The following KCNK9 variants were observed in gnomAD, a reference collection of about 807,000 sequenced individuals.
KCNK9 encodes potassium channel subfamily K member 9.
A neutral mutation model predicts 10.8 loss-of-function variants in KCNK9; 1 was observed. That is an observed-to-expected ratio of 0.09 (90% CI 0.03 to 0.44). KCNK9 has a LOEUF of 0.44. Ranked by LOEUF, KCNK9 falls within the 20% of genes least tolerant of loss-of-function variation. The probability of loss-of-function intolerance (pLI) is 0.97; values close to 1 mark genes in which losing one functional copy is unlikely to be tolerated. For missense variants in KCNK9, 303 were observed against 515.0 expected, an observed-to-expected ratio of 0.59 and a Z score of 3.98; for synonymous variants, 231 against 222.7, an observed-to-expected ratio of 1.04 and a Z score of -0.33.
rs1471072625 is a variant in KCNK9, at chr8:139,618,271, C to A, written c.1112G>T (p.Arg371Leu). 6.2e-7 allele frequency: 1 copy of A among 1,614,184 alleles called. No homozygotes were observed. The change falls in exon 2 of 2, where the codon CGG becomes CTG. Residue 371 changes from arginine to leucine, a missense_variant. Arg to Leu is a moderately radical substitution (Grantham distance 102, BLOSUM62 -2). Transcript: ENST00000520439. This position sits in a 1 kb window ranked among gnomAD's most constrained non-coding sequence, Gnocchi z 7.9. Reference sequence around the variant, plus strand: ...CCCTCCCCACACCTAAACGGACTTCCGGCGTTTCATCAGCCTCTGGTGGTC... The same window carrying A: ...CCCTCCCCACACCTAAACGGACTTCAGGCGTTTCATCAGCCTCTGGTGGTC... ...FTDHQRLMKR[R>L]KSV
At chr8:139,626,124 C>A (rs374095031) in intron 1 of KCNK9, among the ~76,000 whole-genome samples, 30 of 152,294 alleles carry the variant, frequency 2.0e-4, no homozygotes, top group African/African-American at 7.0e-4. Flanking sequence ...TGGAAAAAGG[C>A]AAATAGGGCA....
At chr8:139,627,803 T>C (rs753403651) in intron 1 of KCNK9, among the ~76,000 whole-genome samples, 1 of 152,212 alleles carries the variant, frequency 6.6e-6, no homozygotes, top group Non-Finnish European at 1.5e-5. Flanking sequence ...TGGTTTCTCT[T>C]AGAAGCTACC....
chr8:139,680,136 C>T (rs917117041), intron 1 of KCNK9, among the ~76,000 whole-genome samples: 13 of 152,186 alleles, frequency 8.5e-5, no homozygotes, highest in South Asian at 2.1e-4. Context: ...GGGCCGGCAG[C>T]GTCCCTTCCA....
chr8:139,695,111 C>T (rs1393001116), intron 1 of KCNK9, among the ~76,000 whole-genome samples: 1 of 152,204 alleles, frequency 6.6e-6, no homozygotes, highest in African/African-American at 2.4e-5. Flanking sequence ...ACTTTGTGCT[C>T]AGGTATCAAT....
chr8:139,682,960 C>A (rs142997123), intron 1 of KCNK9, among the ~76,000 whole-genome samples: 54 of 152,072 alleles, frequency 3.6e-4, no homozygotes, highest in Non-Finnish European at 5.9e-4. Flanking sequence ...AGGAAAAAAA[C>A]CAGAGCATTT....
At chr8:139,695,196 A>G (rs867131149) in intron 1 of KCNK9, among the ~76,000 whole-genome samples, 6 of 152,230 alleles carry the variant, frequency 3.9e-5, no homozygotes, top group Non-Finnish European at 8.8e-5. Context: ...ATGGAAGTAC[A>G]TGTGCTCAAA....
chr8:139,687,486 A>G (rs1436481025), intron 1 of KCNK9, among the ~76,000 whole-genome samples: 1 of 68,148 alleles, frequency 1.5e-5, no homozygotes, highest in Admixed American at 1.6e-4. Flanking sequence ...ATGTATACAT[A>G]TATACACATA....
At chr8:139,639,417 G>A (rs1273442865) in intron 1 of KCNK9, among the ~76,000 whole-genome samples, 2 of 152,210 alleles carry the variant, frequency 1.3e-5, no homozygotes, top group African/African-American at 4.8e-5. Context: ...TGTCTGGCGG[G>A]GAGTAGTGAC....
intron 1 of KCNK9, among the ~76,000 whole-genome samples, chr8:139,641,304 G>A (rs958974661): frequency 6.6e-6 from 1 of 152,174 alleles, no homozygotes; most frequent in Non-Finnish European, 1.5e-5. Flanking sequence ...GCTGCTGTCT[G>A]TGGGGCTCCC....
At chr8:139,663,689 G>T (rs1398707874) in intron 1 of KCNK9, among the ~76,000 whole-genome samples, 1 of 149,350 alleles carries the variant, frequency 6.7e-6, no homozygotes. Flanking sequence ...GTGTTAGAGA[G>T]AGAGATAGAG....
downstream of KCNK9, among the ~76,000 whole-genome samples, chr8:139,613,278 C>T (rs1203787900): frequency 1.3e-5 from 2 of 152,138 alleles, no homozygotes; most frequent in Non-Finnish European, 2.9e-5. Context: ...GCTCATTGGA[C>T]CATTCTTTGT....
intron 1 of KCNK9, among the ~76,000 whole-genome samples, chr8:139,673,109 C>T (rs1244017083): frequency 1.3e-5 from 2 of 152,148 alleles, no homozygotes; most frequent in Admixed American, 1.3e-4. Flanking sequence ...TAATTGCCCC[C>T]TTAGTTGACA....
chr8:139,604,483 T>A (rs1817442720), intron 2 of KCNK9, among the ~76,000 whole-genome samples: 1 of 152,016 alleles, frequency 6.6e-6, no homozygotes, highest in Non-Finnish European at 1.5e-5. Context: ...CGCGGGCGCA[T>A]CTGCACGCCA....
intron 1 of KCNK9, among the ~76,000 whole-genome samples, chr8:139,638,734 G>A (rs2129641344): frequency 6.6e-6 from 1 of 152,334 alleles, no homozygotes; most frequent in South Asian, 2.1e-4. Context: ...CCAGCTGGGA[G>A]AGCAGTTTTC....
chr8:139,617,742 C>A lies in KCNK9; in HGVS notation c.*516G>T, dbSNP rs186881225. Among the ~76,000 whole-genome samples the A allele has an allele frequency of 5.9e-5, 9 of 152,230 alleles. No individual in the cohort carries two copies. Among genetic ancestry groups the A allele is most frequent in the Non-Finnish European group, 7.4e-5 (5 of 68,016 alleles). On this transcript the variant is annotated 3_prime_UTR_variant, in exon 2 of 2. Transcript: ENST00000520439. Reference sequence around the variant, plus strand: ...AGAAAACGGAATACCTAATACTTCCCGTTTTGTCACGACACACGTGCACAC... The same window carrying A: ...AGAAAACGGAATACCTAATACTTCCAGTTTTGTCACGACACACGTGCACAC...
At chr8:139,701,874 T>G (rs1361184502) in intron 1 of KCNK9, among the ~76,000 whole-genome samples, 1 of 152,214 alleles carries the variant, frequency 6.6e-6, no homozygotes, top group Non-Finnish European at 1.5e-5. Context: ...AATAGCGCCC[T>G]TGGCAGTGGG....
At chr8:139,697,258 GTGGA>G in intron 1 of KCNK9, among the ~76,000 whole-genome samples, 1 of 150,494 alleles carries the variant, frequency 6.6e-6, no homozygotes, top group East Asian at 2.0e-4. Context: ...TGGGTGAATG[GTGGA>G]TGGATGGATA....
At chr8:139,602,941 C>T (rs766126193) in intron 2 of KCNK9, among the ~76,000 whole-genome samples, 1 of 152,272 alleles carries the variant, frequency 6.6e-6, no homozygotes, top group East Asian at 1.9e-4. Flanking sequence ...TCTTTGTCAC[C>T]GTGGTTTCAG....
chr8:139,615,311 G>C (rs541284203), downstream of KCNK9, among the ~76,000 whole-genome samples: 1 of 152,288 alleles, frequency 6.6e-6, no homozygotes, highest in East Asian at 1.9e-4. Context: ...GAGATGACTT[G>C]GACCAAGCTT....
Sources: allele counts gnomAD v4.1 joint callset (sites outside exome capture counted in the v4.1 genomes callset), GRCh38; gene constraint gnomAD v4.1.1; non-coding constraint Gnocchi (gnomAD v3.1); transcripts MANE v1.5; gene names NCBI Gene and HGNC (gene_info 2026-07-23, HGNC 2026-07-21).